BNC2: variants seen among roughly 807,000 people sequenced by gnomAD.
The protein encoded by BNC2 is zinc finger protein basonuclin-2.
BNC2 carries 20 observed loss-of-function variants against 76.3 expected under a neutral mutation model. That is an observed-to-expected ratio of 0.26 (90% CI 0.18 to 0.38). BNC2 has a LOEUF of 0.38. Among genes scored for constraint, BNC2 ranks in the 10% least tolerant of loss-of-function variants. The probability of loss-of-function intolerance (pLI) is 1.00; values close to 1 mark genes in which losing one functional copy is unlikely to be tolerated. For synonymous variants in BNC2, 582 were observed against 514.8 expected (o/e 1.13, Z -1.77); for missense variants, 1,382 against 1,399.8 (o/e 0.99, Z 0.20).
intron 5 of BNC2, among the ~76,000 whole-genome samples, chr9:16,509,618 A>C (rs1822707942): frequency 6.6e-6 from 1 of 152,238 alleles, no homozygotes; most frequent in Non-Finnish European, 1.5e-5. Context: ...AAAGTTACTA[A>C]CCTGGGTAAA....
chr9:16,655,798 T>A (rs1036790258), intron 3 of BNC2, among the ~76,000 whole-genome samples: 2 of 152,174 alleles, frequency 1.3e-5, no homozygotes, highest in Non-Finnish European at 2.9e-5. Flanking sequence ...TCCTTTCTCA[T>A]TTGTCTAGAG....
intron 3 of BNC2, chr9:16,685,675 G>A (rs1241101331): frequency 8.1e-7 from 1 of 1,227,064 alleles, no homozygotes; most frequent in Admixed American, 2.3e-5. Context: ...AGGCTGCTGA[G>A]AACTGCACAC....
chr9:16,484,205 A>G (rs1401537921), intron 5 of BNC2, among the ~76,000 whole-genome samples: 3 of 152,126 alleles, frequency 2.0e-5, no homozygotes, highest in African/African-American at 4.8e-5. Flanking sequence ...GCCGTTTTAC[A>G]CCTTATAGCT....
At chr9:16,634,766 G>A (rs996879663) in intron 3 of BNC2, among the ~76,000 whole-genome samples, 1 of 152,140 alleles carries the variant, frequency 6.6e-6, no homozygotes, top group African/African-American at 2.4e-5. Flanking sequence ...CTCCCAAAAT[G>A]CTGGGATTAC....
chr9:16,511,445 T>TTTTA (rs1413453268), intron 5 of BNC2, among the ~76,000 whole-genome samples: 1 of 138,988 alleles, frequency 7.2e-6, no homozygotes. Flanking sequence ...TTTTTTTTTT[T>TTTTA]GAGGCAGGGT....
chr9:16,598,410 C>G (rs1820153272), intron 3 of BNC2, among the ~76,000 whole-genome samples: 1 of 152,128 alleles, frequency 6.6e-6, no homozygotes, highest in Non-Finnish European at 1.5e-5. Flanking sequence ...CTATAAAATT[C>G]ACATGAAATA....
intron 1 of BNC2, among the ~76,000 whole-genome samples, chr9:16,803,152 T>A (rs1817823826): frequency 6.6e-6 from 1 of 152,200 alleles, no homozygotes; most frequent in Non-Finnish European, 1.5e-5. Flanking sequence ...GCTCTAGATG[T>A]ATCCTGTGTG....
At chr9:16,663,539 C>A (rs891223444) in intron 3 of BNC2, among the ~76,000 whole-genome samples, 1 of 152,156 alleles carries the variant, frequency 6.6e-6, no homozygotes, top group African/African-American at 2.4e-5. Flanking sequence ...GACTGAACTT[C>A]ATGATCTCTA....
chr9:16,602,052 C>G (rs1390376018), intron 3 of BNC2, among the ~76,000 whole-genome samples: 4 of 152,100 alleles, frequency 2.6e-5, no homozygotes, highest in African/African-American at 9.7e-5. Flanking sequence ...GGGTACCATT[C>G]TGCTTTCATA....
intron 3 of BNC2, among the ~76,000 whole-genome samples, chr9:16,687,558 G>GA (rs935836330): frequency 6.6e-5 from 10 of 151,986 alleles, no homozygotes; most frequent in Admixed American, 5.2e-4. Flanking sequence ...GAAGGGAAAA[G>GA]AAAAAAATTA....
At chr9:16,667,432 T>C (rs533791756) in intron 3 of BNC2, among the ~76,000 whole-genome samples, 2 of 152,300 alleles carry the variant, frequency 1.3e-5, no homozygotes, top group South Asian at 2.1e-4. Context: ...ATAATCAACA[T>C]TGTAGTTAAT....
At chr9:16,734,557 G>C (rs753454353) in intron 2 of BNC2, among the ~76,000 whole-genome samples, 2 of 152,132 alleles carry the variant, frequency 1.3e-5, no homozygotes, top group South Asian at 2.1e-4. Flanking sequence ...CATACAGAAG[G>C]CTTCATCAAA....
intron 5 of BNC2, among the ~76,000 whole-genome samples, chr9:16,494,705 G>A (rs751276171): frequency 3.5e-4 from 53 of 152,218 alleles, no homozygotes; most frequent in East Asian, 1.9e-4. Context: ...AAGGAGACAC[G>A]TCATGTAGGC....
intron 1 of BNC2, among the ~76,000 whole-genome samples, chr9:16,840,525 T>C (rs1387549117): frequency 2.6e-5 from 4 of 152,196 alleles, no homozygotes; most frequent in African/African-American, 9.6e-5. Context: ...TTTCCTTTAA[T>C]GTCATGATGG....
intron 1 of BNC2, among the ~76,000 whole-genome samples, chr9:16,801,284 T>G (rs1817771695): frequency 6.6e-6 from 1 of 152,200 alleles, no homozygotes; most frequent in Admixed American, 6.5e-5. Flanking sequence ...TCTCACTCTG[T>G]CACCCAGGCT....
intron 3 of BNC2, among the ~76,000 whole-genome samples, chr9:16,617,452 G>A (rs916448446): frequency 6.6e-6 from 1 of 150,570 alleles, no homozygotes; most frequent in Non-Finnish European, 1.5e-5. Flanking sequence ...AGTTTCCTCA[G>A]CTACACTGTC....
At chr9:16,686,505 A>G (rs1822982870) in intron 3 of BNC2, among the ~76,000 whole-genome samples, 1 of 152,160 alleles carries the variant, frequency 6.6e-6, no homozygotes, top group Non-Finnish European at 1.5e-5. Context: ...CACACTAATC[A>G]TATATCTGTC....
chr9:16,638,010 C>T (rs1012546120), intron 3 of BNC2, among the ~76,000 whole-genome samples: 2 of 152,164 alleles, frequency 1.3e-5, no homozygotes, highest in African/African-American at 4.8e-5. Context: ...ACATCATAGG[C>T]AACTATAATT....
At chr9:16,602,153 A>G (rs1372926090) in intron 3 of BNC2, among the ~76,000 whole-genome samples, 1 of 152,316 alleles carries the variant, frequency 6.6e-6, no homozygotes, top group Non-Finnish European at 1.5e-5. Flanking sequence ...AATTTATGGT[A>G]ATTGTAACTG....
Sources: allele counts gnomAD v4.1 joint callset (sites outside exome capture counted in the v4.1 genomes callset), GRCh38; gene constraint gnomAD v4.1.1; transcripts MANE v1.5; gene names NCBI Gene and HGNC (gene_info 2026-07-23, HGNC 2026-07-21).